RSRP1: variants seen among roughly 807,000 people sequenced by gnomAD.
RSRP1 encodes arginine and serine rich protein 1.
A neutral mutation model predicts 33.0 loss-of-function variants in RSRP1; 37 were observed. That is an observed-to-expected ratio of 1.12 (90% CI 0.86 to 1.48). The LOEUF (loss-of-function observed/expected upper bound fraction) is 1.48, where lower values mean the gene tolerates loss of function less well. Ranked by LOEUF, RSRP1 falls within the 40% of genes most tolerant of loss-of-function variation. The pLI is 0.00. For missense variants in RSRP1, 402 were observed against 385.3 expected, an observed-to-expected ratio of 1.04 and a Z score of -0.36; for synonymous variants, 167 against 158.7, an observed-to-expected ratio of 1.05 and a Z score of -0.40.
In RSRP1 at chr1:25,337,143, G is replaced by A. The variant is rs566866439; in HGVS notation, c.-67+835C>T. On this transcript the variant is annotated intron_variant, in intron 1 of 1. Transcript: ENST00000561867. ...GGTGCACCATCGGGTCAAAGCCGCA[G>A]CAACGCCGTCTCTGTGTGATCGCAT... The A allele has an allele frequency of 3.3e-5, 5 of 152,996 alleles. No homozygotes were observed. In the Admixed American group the frequency reaches 3.3e-4, roughly 10 times the overall value. The allele number at this position is 152,996 out of a possible 1,614,324, so 9.5% of individuals were successfully genotyped here. A position where few individuals can be genotyped will look rare whatever the true frequency, so the allele number is the denominator to read the frequency against.
At chr1:25,254,106 T>C (rs558444453) in intron 1 of RSRP1, among the ~76,000 whole-genome samples, 3 of 152,280 alleles carry the variant, frequency 2.0e-5, no homozygotes, top group East Asian at 3.9e-4. Context: ...TCAACAAACA[T>C]GGCCTTTTTT....
At chr1:25,304,879 C>T (rs1643675749) in intron 1 of RSRP1, 1 of 131,948 alleles carries the variant, frequency 7.6e-6, no homozygotes, top group Non-Finnish European at 1.8e-5. Context: ...TCATCAGTCT[C>T]AGCGCCCATC....
At position 25,242,939 on chromosome 1, in the gene RSRP1, A is replaced by C. The variant is rs373750909; in HGVS notation, c.757-234T>G. The stretch of plus-strand genomic sequence containing the variant: ...AAACCCTGTCTCCTAAAAATACAAA[A>C]ATTAGCCGGGCGTGGTGGCATGCGC... On this transcript the variant is annotated intron_variant, in intron 4 of 4. Coordinates refer to ENST00000243189, the MANE Select transcript of RSRP1 (RefSeq NM_020317.5). Among the ~76,000 whole-genome samples the C allele has an allele frequency of 2.0e-4, 31 of 152,248 alleles. No homozygotes were observed. In the East Asian group the frequency reaches 5.8e-3, roughly 28 times the overall value.
rs1464279216 is a variant in RSRP1, at chr1:25,315,712, G to T, written c.-67+22266C>A. 3.9e-5 allele frequency among the ~76,000 whole-genome samples: 5 copies of T among 129,174 alleles called. 1 individual carries two copies. In the East Asian group the frequency reaches 9.8e-4, roughly 25 times the overall value. The allele number at this position is 129,174 out of a possible 152,430, so 84.7% of individuals were successfully genotyped here. ...GGGGTTTCACTGTGTTAGCCAGGAT[G>T]GTCTCCATCTCCTGACCTCATGATC... is the stretch of plus-strand genomic sequence containing the variant. On this transcript the variant is annotated intron_variant, in intron 1 of 1. Transcript: ENST00000561867.
chr1:25,312,627 G>T (rs1644207506), intron 1 of RSRP1, among the ~76,000 whole-genome samples: 1 of 129,216 alleles, frequency 7.7e-6, no homozygotes, highest in South Asian at 2.4e-4. Flanking sequence ...GCATATACCT[G>T]TAATTCTAGC....
At chr1:25,319,150 G>A (rs1428308207) in intron 1 of RSRP1, among the ~76,000 whole-genome samples, 1 of 129,980 alleles carries the variant, frequency 7.7e-6, no homozygotes, top group East Asian at 2.0e-4. Context: ...GTTATCACTG[G>A]TATGTTCAAA....
intron 1 of RSRP1, among the ~76,000 whole-genome samples, chr1:25,310,038 A>G (rs1276352659): frequency 1.5e-5 from 2 of 132,742 alleles, no homozygotes; most frequent in African/African-American, 5.1e-5. Context: ...AAGTGCAAAT[A>G]TCATACAAGT....
At chr1:25,297,612 C>A (rs1643059735) in intron 1 of RSRP1, among the ~76,000 whole-genome samples, 1 of 131,594 alleles carries the variant, frequency 7.6e-6, no homozygotes, top group Non-Finnish European at 1.8e-5. Context: ...GAAAAGCTTT[C>A]GCTTCTCTGT....
rs537076535 is a variant in RSRP1, at chr1:25,285,570, A to G, written c.-66-38541T>C. Among the ~76,000 whole-genome samples, 3 of 135,256 alleles carry G rather than the reference A, an allele frequency of 2.2e-5. No individual in the cohort carries two copies. The East Asian group carries it at 5.8e-4, about 26-fold the overall frequency. 88.7% of individuals were successfully genotyped at this position (135,256 alleles called of 152,430 possible). A position where few individuals can be genotyped will look rare whatever the true frequency, so the allele number is the denominator to read the frequency against. The stretch of plus-strand genomic sequence containing the variant: ...TGTGTGAAATGCTAAGAACCATCAC[A>G]ACTAATGTATGGTGCCAGAAGTCAG... On this transcript the variant is annotated intron_variant, in intron 1 of 1. Transcript: ENST00000561867.
chr1:25,337,161 G>C (rs1231354163), intron 1 of RSRP1: 3 of 151,996 alleles, frequency 2.0e-5, no homozygotes, highest in Non-Finnish European at 2.9e-5. Context: ...GTCTCTGTGT[G>C]ATCGCATGTG....
rs866913540 is a variant in RSRP1 at position 25,320,281 on chromosome 1, C to A, written c.-67+17697G>T. Among the ~76,000 whole-genome samples the A allele has an allele frequency of 1.4e-4, 18 of 131,892 alleles. 4 individuals are homozygous for A. Among genetic ancestry groups the A allele is most frequent in the African/African-American group, 4.1e-4 (16 of 38,750 alleles). The allele number at this position is 131,892 out of a possible 152,430, so 86.5% of individuals were successfully genotyped here. A position where few individuals can be genotyped will look rare whatever the true frequency, so the allele number is the denominator to read the frequency against. The stretch of plus-strand genomic sequence containing the variant: ...AACAACAACCCTCCACAGCTACACA[C>A]CTTTTCCACGTTATATGGCACGTTA... On this transcript the variant is annotated intron_variant, in intron 1 of 1. Coordinates refer to the RSRP1 transcript ENST00000561867.
At chr1:25,269,019 G>A (rs1379589188) in intron 1 of RSRP1, among the ~76,000 whole-genome samples, 1 of 130,490 alleles carries the variant, frequency 7.7e-6, no homozygotes, top group African/African-American at 2.6e-5. Context: ...GATCCAGGGA[G>A]GTGAGGTGGG....
intron 1 of RSRP1, among the ~76,000 whole-genome samples, chr1:25,332,255 C>T (rs1645028815): frequency 1.6e-5 from 2 of 127,032 alleles, no homozygotes; most frequent in Middle Eastern, 4.3e-3. Context: ...CAGGATGGTC[C>T]CGAACTCCTG....
upstream of RSRP1, chr1:25,247,628 A>T (rs898698979): frequency 6.6e-6 from 1 of 152,208 alleles, no homozygotes; most frequent in Non-Finnish European, 1.5e-5. Flanking sequence ...CGCATGCGCG[A>T]TGGGGCTCCA....
At chr1:25,244,908 T>C in intron 3 of RSRP1, 1 of 1,339,644 alleles carries the variant, frequency 7.5e-7, no homozygotes, top group Non-Finnish European at 9.7e-7. Flanking sequence ...AGTCTTGAAC[T>C]CCTGGACTCA....
rs1354548916 is a variant in RSRP1, at chr1:25,280,219, C to G, written c.-66-33190G>C. Among the ~76,000 whole-genome samples the G allele has an allele frequency of 2.4e-5, 3 of 126,930 alleles. No individual in the cohort carries two copies. In the East Asian group the frequency reaches 5.9e-4, roughly 25 times the overall value. The allele number at this position is 126,930 out of a possible 152,430, so 83.3% of individuals were successfully genotyped here. ...GAGCCTTGGGGAGGAAGGCCCTGAG[C>G]GCGTATACCTGGAATCAGGGAATCG... is the stretch of plus-strand genomic sequence containing the variant. On this transcript the variant is annotated intron_variant, in intron 1 of 1. Coordinates refer to the RSRP1 transcript ENST00000561867.
rs1233692539 is a variant in RSRP1, at chr1:25,306,941, T to C, written c.-67+31037A>G. On this transcript the variant is annotated intron_variant, in intron 1 of 1. Coordinates refer to the RSRP1 transcript ENST00000561867. ...CTCCAGGCCACCTCTTCTTTCCAAA[T>C]AGGGCCACCTAGGTATAGACCAAAG... is the stretch of plus-strand genomic sequence containing the variant. The C allele has an allele frequency of 3.2e-5, 17 of 531,034 alleles. 4 individuals are homozygous for C. Among genetic ancestry groups the C allele is most frequent in the Non-Finnish European group, 3.7e-6 (1 of 270,750 alleles). The allele number at this position is 531,034 out of a possible 1,614,324, so 32.9% of individuals were successfully genotyped here.
chr1:25,302,641 G>A (rs1643480113), intron 1 of RSRP1, among the ~76,000 whole-genome samples: 1 of 129,856 alleles, frequency 7.7e-6, no homozygotes, highest in African/African-American at 2.7e-5. Context: ...CTATGACCCA[G>A]GAACAAGGCC....
chr1:25,321,817 T>C (rs1644726601), intron 1 of RSRP1: 1 of 755,996 alleles, frequency 1.3e-6, no homozygotes, highest in Non-Finnish European at 2.3e-6. Context: ...TGACACACAA[T>C]ATTTCGATTA....
Sources: gnomAD v4.1 joint callset for allele counts (sites outside exome capture counted in the v4.1 genomes callset) on GRCh38, gnomAD v4.1.1 for gene constraint, MANE v1.5 for transcripts, NCBI Gene and HGNC (gene_info 2026-07-23, HGNC 2026-07-21) for gene names.